Variants in IMMP2L observed in about 807,000 individuals in gnomAD.
The protein encoded by IMMP2L is inner mitochondrial membrane peptidase subunit 2.
A neutral mutation model predicts 19.3 loss-of-function variants in IMMP2L; 18 were observed. That is an observed-to-expected ratio of 0.93 (90% CI 0.64 to 1.38). IMMP2L has a LOEUF of 1.38. Ranked by LOEUF, IMMP2L falls within the 40% of genes most tolerant of loss-of-function variation. The pLI, the probability that IMMP2L is intolerant of heterozygous loss-of-function variation, is 0.00. For missense variants in IMMP2L, 233 were observed against 218.2 expected (o/e 1.07, Z -0.43); for synonymous variants, 76 against 73.0 (o/e 1.04, Z -0.21).
At chr7:110,910,140 C>T (rs747716770) in intron 4 of IMMP2L, among the ~76,000 whole-genome samples, 1 of 152,110 alleles carries the variant, frequency 6.6e-6, no homozygotes, top group Non-Finnish European at 1.5e-5. Flanking sequence ...AGGAACGATG[C>T]ATGCTAGGCT....
intron 5 of IMMP2L, among the ~76,000 whole-genome samples, chr7:110,798,033 GA>G (rs1800981144): frequency 6.6e-6 from 1 of 151,924 alleles, no homozygotes; most frequent in Non-Finnish European, 1.5e-5. Context: ...CAAAGTATAA[GA>G]AAAGGTACGA....
intron 3 of IMMP2L, among the ~76,000 whole-genome samples, chr7:111,086,334 G>A (rs1180368132): frequency 6.6e-6 from 1 of 151,884 alleles, no homozygotes; most frequent in African/African-American, 2.4e-5. Context: ...TAGCTACTCT[G>A]GAAGCTGAGG....
At chr7:111,271,150 GT>G (rs1192144664) in intron 3 of IMMP2L, among the ~76,000 whole-genome samples, 2 of 151,974 alleles carry the variant, frequency 1.3e-5, no homozygotes, top group Non-Finnish European at 2.9e-5. Context: ...TTTATAAGGG[GT>G]TTTTCCCCCT....
chr7:111,189,811 G>C lies in IMMP2L; in HGVS notation c.240-226246C>G, dbSNP rs559600358. On this transcript the variant is annotated intron_variant, in intron 3 of 5. Coordinates refer to ENST00000405709, the MANE Select transcript of IMMP2L (RefSeq NM_032549.4). Reference sequence around the variant, plus strand: ...ATGGGAAATAGAGGGCTTAGGAGTAGAAAGAGAAGACTTACTATATCTTTA... The same window carrying C: ...ATGGGAAATAGAGGGCTTAGGAGTACAAAGAGAAGACTTACTATATCTTTA... 6.6e-5 allele frequency among the ~76,000 whole-genome samples: 10 copies of C among 152,254 alleles called. No individual in the cohort carries two copies. In the South Asian group the frequency reaches 1.7e-3, roughly 25 times the overall value.
At chr7:111,352,722 C>T (rs1409826699) in intron 3 of IMMP2L, among the ~76,000 whole-genome samples, 1 of 152,056 alleles carries the variant, frequency 6.6e-6, no homozygotes, top group Non-Finnish European at 1.5e-5. Context: ...ACACAGCAGC[C>T]GCATGGTATC....
At chr7:111,017,409 C>G (rs1825826685) in intron 3 of IMMP2L, among the ~76,000 whole-genome samples, 1 of 151,872 alleles carries the variant, frequency 6.6e-6, no homozygotes, top group African/African-American at 2.4e-5. Context: ...CCAGTAATGT[C>G]AAAAGTCTAG....
intron 3 of IMMP2L, among the ~76,000 whole-genome samples, chr7:111,364,006 C>G (rs78225397): frequency 6.6e-6 from 1 of 151,718 alleles, no homozygotes; most frequent in Admixed American, 6.6e-5. Context: ...AGATCCCCCC[C>G]CACACACACA....
intron 3 of IMMP2L, among the ~76,000 whole-genome samples, chr7:111,436,509 TTACACACACACA>T (rs895849397): frequency 5.3e-5 from 8 of 151,370 alleles, no homozygotes; most frequent in Non-Finnish European, 2.9e-5. Context: ...TCTTTTTTTC[TTACACACACACA>T]TACACACACA....
At chr7:111,441,999 T>C (rs1837787883) in intron 3 of IMMP2L, among the ~76,000 whole-genome samples, 1 of 151,544 alleles carries the variant, frequency 6.6e-6, no homozygotes, top group Non-Finnish European at 1.5e-5. Context: ...TAGCTGGGTG[T>C]GGTGGTGCGT....
chr7:110,901,249 C>A (rs1224482902), intron 4 of IMMP2L, among the ~76,000 whole-genome samples: 2 of 152,028 alleles, frequency 1.3e-5, no homozygotes, highest in Non-Finnish European at 2.9e-5. Context: ...GAGATTTTAG[C>A]ACTGTCTTCC....
intron 3 of IMMP2L, among the ~76,000 whole-genome samples, chr7:111,317,083 C>T (rs1395460482): frequency 1.3e-5 from 2 of 151,800 alleles, no homozygotes; most frequent in African/African-American, 4.8e-5. Context: ...CTCCTGACCT[C>T]GTGATCCGCC....
intron 3 of IMMP2L, among the ~76,000 whole-genome samples, chr7:111,032,665 T>C (rs1790946858): frequency 6.6e-6 from 1 of 151,772 alleles, no homozygotes. Flanking sequence ...CTACTAAAAA[T>C]ACAAAAATTA....
At chr7:110,955,184 T>A (rs1818242791) in intron 4 of IMMP2L, among the ~76,000 whole-genome samples, 1 of 151,942 alleles carries the variant, frequency 6.6e-6, no homozygotes, top group Non-Finnish European at 1.5e-5. Context: ...ACATACAGTT[T>A]TTATTAACAA....
At chr7:111,138,824 C>G (rs1562842290) in intron 3 of IMMP2L, among the ~76,000 whole-genome samples, 1 of 152,074 alleles carries the variant, frequency 6.6e-6, no homozygotes, top group Non-Finnish European at 1.5e-5. Flanking sequence ...TGGTCACTTG[C>G]CTGGAATAGC....
intron 5 of IMMP2L, among the ~76,000 whole-genome samples, chr7:110,720,527 A>G (rs1020563724): frequency 6.6e-6 from 1 of 152,210 alleles, no homozygotes; most frequent in African/African-American, 2.4e-5. Flanking sequence ...CTATGTCAGT[A>G]TTATTATCTT....
intron 3 of IMMP2L, among the ~76,000 whole-genome samples, chr7:110,997,128 T>C (rs1416370993): frequency 6.6e-6 from 1 of 152,094 alleles, no homozygotes; most frequent in Non-Finnish European, 1.5e-5. Flanking sequence ...TATAATGTTG[T>C]CATTTCAAGA....
intron 3 of IMMP2L, among the ~76,000 whole-genome samples, chr7:110,976,299 C>T (rs192999350): frequency 3.1e-4 from 47 of 151,932 alleles, no homozygotes; most frequent in African/African-American, 8.9e-4. Flanking sequence ...AATACATATA[C>T]GAAGATATTG....
chr7:111,132,420 T>C (rs1263896474), intron 3 of IMMP2L, among the ~76,000 whole-genome samples: 1 of 151,962 alleles, frequency 6.6e-6, no homozygotes. Context: ...AATAACTCAA[T>C]CTTAGAAGGT....
chr7:111,038,197 G>A (rs1169522971), intron 3 of IMMP2L, among the ~76,000 whole-genome samples: 2 of 152,226 alleles, frequency 1.3e-5, no homozygotes, highest in South Asian at 2.1e-4. Context: ...AATTTAAAAG[G>A]CAAAGAAAGA....
Sources: gnomAD v4.1 joint callset for allele counts (sites outside exome capture counted in the v4.1 genomes callset) on GRCh38, gnomAD v4.1.1 for gene constraint, MANE v1.5 for transcripts, NCBI Gene and HGNC (gene_info 2026-07-23, HGNC 2026-07-21) for gene names.